Variants in IQGAP1 observed in about 807,000 individuals in gnomAD.
IQGAP1 encodes ras GTPase-activating-like protein IQGAP1.
IQGAP1 carries 66 observed loss-of-function variants against 215.6 expected under a neutral mutation model. The observed-to-expected ratio is 0.31, with a 90% CI of 0.25 to 0.38. The LOEUF (loss-of-function observed/expected upper bound fraction) is 0.38, where lower values mean the gene tolerates loss of function less well. Ranked by LOEUF, IQGAP1 falls within the 10% of genes least tolerant of loss-of-function variation. The pLI, the probability that IQGAP1 is intolerant of heterozygous loss-of-function variation, is 1.00. For synonymous variants in IQGAP1, 772 were observed against 728.7 expected, an observed-to-expected ratio of 1.06 and a Z score of -0.96; for missense variants, 1,712 against 1,997.1, an observed-to-expected ratio of 0.86 and a Z score of 2.72.
intron 1 of IQGAP1, 53 bp from the exon 2 acceptor site, chr15:90,390,721 C>A: frequency 8.3e-7 from 1 of 1,211,696 alleles, no homozygotes; most frequent in East Asian, 2.3e-5. Flanking sequence ...AATCTTTTAT[C>A]ACTCAGGAAG....
intron 15 of IQGAP1, among the ~76,000 whole-genome samples, chr15:90,459,166 TAGTA>T (rs747810409): frequency 6.6e-6 from 1 of 152,188 alleles, no homozygotes. Context: ...TGTTGTTACT[TAGTA>T]AGCACTGAAA....
chr15:90,388,263 T>G lies in IQGAP1; in HGVS notation c.-79T>G. 5.9e-6 allele frequency: 9 copies of G among 1,518,200 alleles called. No individual in the cohort carries two copies. Among genetic ancestry groups the G allele is most frequent in the East Asian group, 2.5e-5 (1 of 40,814 alleles). The allele number at this position is 1,518,200 out of a possible 1,614,324, so 94.0% of individuals were successfully genotyped here. On this transcript the variant is annotated 5_prime_UTR_variant, in exon 1 of 38. Coordinates refer to ENST00000268182, the MANE Select transcript of IQGAP1 (RefSeq NM_003870.4). ...CGGGGACCCCGGCAAGCCCGCGCAC[T>G]TGGCAGGAGCTGTAGCTACCGCCGT...
intron 2 of IQGAP1, among the ~76,000 whole-genome samples, chr15:90,417,380 T>C (rs1965068453): frequency 6.6e-6 from 1 of 152,204 alleles, no homozygotes; most frequent in South Asian, 2.1e-4. Flanking sequence ...GAATTAATTT[T>C]TGTATAACGT....
At chr15:90,466,587 T>C (rs1965834985) in intron 17 of IQGAP1, 151 bp downstream of exon 17, 3 of 750,166 alleles carry the variant, frequency 4.0e-6, no homozygotes, top group Non-Finnish European at 6.3e-6. Context: ...AAAATCCCTA[T>C]TTTTGAAAAT....
At chr15:90,447,006 T>C (rs1279673395) in intron 9 of IQGAP1, among the ~76,000 whole-genome samples, 2 of 152,246 alleles carry the variant, frequency 1.3e-5, no homozygotes, top group African/African-American at 4.8e-5. Context: ...TCTAAGACTC[T>C]ATGCTATATA....
At chr15:90,457,947 C>T (rs1351332993) in intron 15 of IQGAP1, among the ~76,000 whole-genome samples, 4 of 152,234 alleles carry the variant, frequency 2.6e-5, no homozygotes, top group East Asian at 1.9e-4. Flanking sequence ...GACTTTAGTA[C>T]GTTGATAGAA....
intron 15 of IQGAP1, among the ~76,000 whole-genome samples, chr15:90,461,492 A>T (rs768805027): frequency 2.0e-5 from 3 of 152,242 alleles, no homozygotes; most frequent in Non-Finnish European, 4.4e-5. Flanking sequence ...TACAGTCTGA[A>T]TGCAAGACAT....
chr15:90,497,098 G>C, intron 36 of IQGAP1, 134 bp from the exon 37 acceptor site: 1 of 597,400 alleles, frequency 1.7e-6, no homozygotes, highest in Admixed American at 3.1e-5. Context: ...TTCAGCTGCA[G>C]AAGTACTTTT....
At chr15:90,406,258 C>T (rs1158787428) in intron 2 of IQGAP1, among the ~76,000 whole-genome samples, 1 of 152,216 alleles carries the variant, frequency 6.6e-6, no homozygotes, top group African/African-American at 2.4e-5. Context: ...AAAAAAAGCC[C>T]TGTCACATTA....
intron 2 of IQGAP1, among the ~76,000 whole-genome samples, chr15:90,410,208 A>G (rs1415168585): frequency 6.6e-6 from 1 of 152,220 alleles, no homozygotes; most frequent in East Asian, 1.9e-4. Flanking sequence ...TGTTTTAGAC[A>G]TGAAGTCCTT....
chr15:90,395,542 G>C (rs555809875), intron 2 of IQGAP1, among the ~76,000 whole-genome samples: 18 of 152,240 alleles, frequency 1.2e-4, no homozygotes, highest in Admixed American at 3.3e-4. Context: ...GGATAGTCTT[G>C]ATCTCCTGAC....
At position 90,394,490 on chromosome 15, in the gene IQGAP1, T is replaced by C. The variant is rs1315456313; in HGVS notation, c.155+3617T>C. On this transcript the variant is annotated intron_variant, in intron 2 of 37. Transcript: ENST00000268182. Reference sequence around the variant, plus strand: ...GGCTGCTGCCACCCCTAAAAAGTGTTGTGAGTGCACCAAGGACAAATGGCA... The same window carrying C: ...GGCTGCTGCCACCCCTAAAAAGTGTCGTGAGTGCACCAAGGACAAATGGCA... 2.0e-5 allele frequency among the ~76,000 whole-genome samples: 3 copies of C among 152,298 alleles called. No homozygotes were observed. The East Asian group carries it at 5.8e-4, about 29-fold the overall frequency.
chr15:90,443,142 G>C (rs1217544423), intron 8 of IQGAP1, among the ~76,000 whole-genome samples: 1 of 152,220 alleles, frequency 6.6e-6, no homozygotes, highest in African/African-American at 2.4e-5. Flanking sequence ...AAAGTTTTTT[G>C]TAGAGATGGG....
intron 2 of IQGAP1, among the ~76,000 whole-genome samples, chr15:90,416,078 G>A (rs1459172803): frequency 1.3e-5 from 2 of 151,902 alleles, no homozygotes; most frequent in African/African-American, 4.8e-5. Context: ...GTGCAGGTTT[G>A]TTACATAATG....
rs200672006 is a variant in IQGAP1, at chr15:90,494,533, CCT to C, written c.4629-179_4629-178del. 2.4e-3 allele frequency: 950 copies of C among 390,804 alleles called. 14 individuals carry two copies. The East Asian group carries it at 0.029, about 12-fold the overall frequency. The allele number at this position is 390,804 out of a possible 1,614,324, so 24.2% of individuals were successfully genotyped here. Reference sequence around the variant, plus strand: ...ATAGAAGCAATTTAGTAATATTTCCCCTGTTTTGCAGAGATATTGCTTAGGCT... The same window carrying C: ...ATAGAAGCAATTTAGTAATATTTCCCGTTTTGCAGAGATATTGCTTAGGCT... On this transcript the variant is annotated intron_variant, in intron 35 of 37. Transcript: ENST00000268182.
chr15:90,404,123 T>C (rs1964842704), intron 2 of IQGAP1, among the ~76,000 whole-genome samples: 1 of 152,250 alleles, frequency 6.6e-6, no homozygotes, highest in Admixed American at 6.5e-5. Context: ...TTTGTAGGTA[T>C]GCCATTGTGC....
At chr15:90,476,339 A>G (rs191504209) in intron 23 of IQGAP1, among the ~76,000 whole-genome samples, 1 of 152,328 alleles carries the variant, frequency 6.6e-6, no homozygotes, top group Admixed American at 6.5e-5. Flanking sequence ...CCAAGCGTTT[A>G]TTATAAATAA....
At chr15:90,469,005 G>T (rs1411631769) in intron 18 of IQGAP1, among the ~76,000 whole-genome samples, 1 of 152,148 alleles carries the variant, frequency 6.6e-6, no homozygotes, top group Non-Finnish European at 1.5e-5. Context: ...GAATTTTAGT[G>T]ACATTTGTGC....
At chr15:90,466,631 A>G (rs1208618237) in intron 17 of IQGAP1, among the ~76,000 whole-genome samples, 195 bp downstream of exon 17, 1 of 139,566 alleles carries the variant, frequency 7.2e-6, no homozygotes, top group Admixed American at 7.1e-5. Flanking sequence ...CAGCTGTGTT[A>G]ATAAGGCCAA....
Sources: allele counts gnomAD v4.1 joint callset (sites outside exome capture counted in the v4.1 genomes callset), GRCh38; gene constraint gnomAD v4.1.1; transcripts MANE v1.5; gene names NCBI Gene and HGNC (gene_info 2026-07-23, HGNC 2026-07-21).